The following XPO7 variants were observed in gnomAD, a reference collection of about 807,000 sequenced individuals.
XPO7 encodes exportin-7.
In XPO7, 21 loss-of-function variants were observed where a neutral mutation model predicts 144.3. The observed-to-expected ratio is 0.15, with a 90% CI of 0.10 to 0.21. XPO7 has a LOEUF of 0.21. Among genes scored for constraint, XPO7 ranks in the 10% least tolerant of loss-of-function variants. XPO7 has a pLI of 1.00. For synonymous variants in XPO7, 580 were observed against 499.6 expected (o/e 1.16, Z -2.15); for missense variants, 808 against 1,325.8 (o/e 0.61, Z 6.06).
chr8:21,981,558 T>G (rs1427368737), intron 9 of XPO7, among the ~76,000 whole-genome samples, 173 bp from the exon 10 acceptor site: 1 of 152,224 alleles, frequency 6.6e-6, no homozygotes, highest in Non-Finnish European at 1.5e-5. Flanking sequence ...CAAAGTGACT[T>G]TAAAAAATTG....
At chr8:21,932,544 C>T (rs1810684900) in intron 1 of XPO7, among the ~76,000 whole-genome samples, 1 of 152,082 alleles carries the variant, frequency 6.6e-6, no homozygotes, top group Non-Finnish European at 1.5e-5. Context: ...ATGCTTCTTT[C>T]TTGCCGAATC....
At position 21,999,312 on chromosome 8, in the gene XPO7, C is replaced by T; in HGVS notation, c.2643+7C>T. The stretch of plus-strand genomic sequence containing the variant: ...TCCTCACAGTGATCTCTTGGTAAGC[C>T]TTACGCTGCATTGCCACAATCTTGT... On this transcript the variant is annotated splice_region_variant and intron_variant, in intron 23 of 27. Transcript: ENST00000252512. 10 of 1,612,366 alleles carry T rather than the reference C, an allele frequency of 6.2e-6. No homozygotes were observed. Among genetic ancestry groups the T allele is most frequent in the Non-Finnish European group, 8.5e-6 (10 of 1,179,762 alleles).
At chr8:21,973,319 C>T (rs1018875389) in intron 5 of XPO7, among the ~76,000 whole-genome samples, 1 of 152,156 alleles carries the variant, frequency 6.6e-6, no homozygotes, top group African/African-American at 2.4e-5. Context: ...TAAAAAACTT[C>T]AAGATTTTAC....
chr8:21,919,669 AGGCGCAGCGGCGACGGCGTCGGCGGCGGC>A lies in XPO7; in HGVS notation c.-97_-69del. On this transcript the variant is annotated 5_prime_UTR_variant, in exon 1 of 28. Coordinates refer to ENST00000252512, the MANE Select transcript of XPO7 (RefSeq NM_015024.5). ...GCAGCGCGACGAGTCCCCAGCGCGC[AGGCGCAGCGGCGACGGCGTCGGCGGCGGC>A]GGCGGCAGCGGCTCCGGCCGAGGTG... 2 of 177,612 alleles carry A rather than the reference AGGCGCAGCGGCGACGGCGTCGGCGGCGGC, an allele frequency of 1.1e-5. No homozygotes were observed. Among genetic ancestry groups the A allele is most frequent in the Non-Finnish European group, 2.5e-5 (2 of 79,120 alleles). 11.0% of individuals were successfully genotyped at this position (177,612 alleles called of 1,614,324 possible). A position where few individuals can be genotyped will look rare whatever the true frequency, so the allele number is the denominator to read the frequency against.
chr8:21,994,660 A>G (rs1585479089), intron 20 of XPO7, among the ~76,000 whole-genome samples: 2 of 152,310 alleles, frequency 1.3e-5, no homozygotes, highest in South Asian at 4.1e-4. Flanking sequence ...GTAGTCTCCC[A>G]GTTTCTCTTT....
intron 2 of XPO7, among the ~76,000 whole-genome samples, chr8:21,967,338 A>AT (rs1256535773): frequency 6.6e-6 from 1 of 151,936 alleles, no homozygotes; most frequent in Non-Finnish European, 1.5e-5. Flanking sequence ...TTGTTTATTT[A>AT]TTTATTTTTG....
intron 18 of XPO7, 100 bp downstream of exon 18, chr8:21,991,019 T>C: frequency 9.6e-7 from 1 of 1,038,756 alleles, no homozygotes; most frequent in Non-Finnish European, 1.5e-6. Flanking sequence ...CTTTTCTGTT[T>C]TTTCAACAGT....
intron 1 of XPO7, among the ~76,000 whole-genome samples, chr8:21,954,835 T>C (rs929241170): frequency 3.9e-5 from 6 of 152,290 alleles, no homozygotes; most frequent in Non-Finnish European, 8.8e-5. Context: ...TTCTGAACTT[T>C]AGAAGTCAGT....
At chr8:21,940,158 A>G (rs1810945195) in intron 1 of XPO7, among the ~76,000 whole-genome samples, 1 of 152,210 alleles carries the variant, frequency 6.6e-6, no homozygotes, top group African/African-American at 2.4e-5. Flanking sequence ...GTTCTTAATG[A>G]TATTTTAAAA....
intron 1 of XPO7, 25 bp downstream of exon 1, chr8:21,919,813 G>T: frequency 2.2e-6 from 1 of 451,116 alleles, no homozygotes; most frequent in Non-Finnish European, 3.5e-6. Flanking sequence ...GGGGGGGAGG[G>T]GGCGACCACG....
intron 1 of XPO7, among the ~76,000 whole-genome samples, chr8:21,946,471 G>A (rs974292040): frequency 5.9e-5 from 9 of 151,280 alleles, no homozygotes; most frequent in African/African-American, 9.7e-5. Context: ...ATTACAGCAC[G>A]GGGCGACAAA....
At chr8:21,935,822 T>TG (rs35959977) in intron 1 of XPO7, among the ~76,000 whole-genome samples, 88,327 of 151,818 alleles carry the variant, frequency 0.58, 26,229 homozygotes, top group African/African-American at 0.7. Context: ...AGGGGTGGTA[T>TG]GGGCAAGATA....
At position 21,974,724 on chromosome 8, in the gene XPO7, G is replaced by A; in HGVS notation, c.547G>A (p.Asp183Asn). ...CAGAAAAATAGCCTCTTCTTTTCGCGATTCATCATTATTTGATATCTTCAC... is the reference window on the plus strand; with the variant it reads ...CAGAAAAATAGCCTCTTCTTTTCGCAATTCATCATTATTTGATATCTTCAC... ...KHRKIASSFR[D>N]SSLFDIFTLS... Residue 183 changes from aspartate to asparagine, a missense_variant, in exon 6 of 28, where the codon GAT (aspartate) becomes AAT (asparagine). Asp to Asn is a conservative substitution (Grantham distance 23). Coordinates refer to ENST00000252512, the MANE Select transcript of XPO7 (RefSeq NM_015024.5). The A allele has an allele frequency of 1.3e-6, 2 of 1,591,034 alleles. No homozygotes were observed. The highest frequency in any genetic ancestry group is 1.7e-6 in the Non-Finnish European group (2 of 1,168,100).
At chr8:21,929,769 T>G (rs886374793) in intron 1 of XPO7, among the ~76,000 whole-genome samples, 1 of 149,144 alleles carries the variant, frequency 6.7e-6, no homozygotes, top group Admixed American at 6.7e-5. Flanking sequence ...ATTTAAAGGG[T>G]TTTTTTTTTC....
At chr8:21,969,709 T>G in intron 3 of XPO7, 133 bp downstream of exon 3, 1 of 934,076 alleles carries the variant, frequency 1.1e-6, no homozygotes, top group East Asian at 2.7e-5. Flanking sequence ...AGAATCCAGT[T>G]CGTTTCCAGA....
In XPO7 at chr8:22,005,108, T is replaced by C; in HGVS notation, c.*20T>C. 1 of 1,588,970 alleles carries C rather than the reference T, an allele frequency of 6.3e-7. No individual in the cohort carries two copies. Among genetic ancestry groups the C allele is most frequent in the Middle Eastern group, 1.7e-4 (1 of 6,006 alleles). On this transcript the variant is annotated 3_prime_UTR_variant, in exon 28 of 28. Coordinates refer to ENST00000252512, the MANE Select transcript of XPO7 (RefSeq NM_015024.5). ...AGCTGACACCTCCTTGGACTCTACC[T>C]GTACAGAGCAGCGTCCCTTTGGTTT... is the stretch of plus-strand genomic sequence containing the variant.
At chr8:21,981,010 A>C (rs928840615) in intron 9 of XPO7, among the ~76,000 whole-genome samples, 7 of 152,160 alleles carry the variant, frequency 4.6e-5, no homozygotes, top group Non-Finnish European at 8.8e-5. Context: ...AGTTTATTTC[A>C]AAATATACTC....
Position 21,974,526 on chromosome 8 carries a change from G to A in XPO7, c.493-144G>A, listed in dbSNP as rs894637120. 5.0e-5 allele frequency: 30 copies of A among 601,492 alleles called. No individual in the cohort carries two copies. In the Admixed American group the frequency reaches 6.5e-4, roughly 13 times the overall value. The allele number at this position is 601,492 out of a possible 1,614,324, so 37.3% of individuals were successfully genotyped here. On this transcript the variant is annotated intron_variant, in intron 5 of 27. Transcript: ENST00000252512. ...ATCCTCCATCCTTTCACTAGATAGC[G>A]TTTCACAATAATTTAAATGTTAAAA...
intron 1 of XPO7, among the ~76,000 whole-genome samples, chr8:21,936,250 A>G (rs369212065): frequency 6.6e-6 from 1 of 151,956 alleles, no homozygotes; most frequent in Non-Finnish European, 1.5e-5. Context: ...ATTAGCAGCC[A>G]TTTGTGGATC....
Sources: gnomAD v4.1 joint callset for allele counts (sites outside exome capture counted in the v4.1 genomes callset) on GRCh38, gnomAD v4.1.1 for gene constraint, MANE v1.5 for transcripts, NCBI Gene and HGNC (gene_info 2026-07-23, HGNC 2026-07-21) for gene names.